The following AMZ2 variants were observed in gnomAD, a reference collection of about 807,000 sequenced individuals.
AMZ2 encodes archaemetzincin-2.
A neutral mutation model predicts 36.7 loss-of-function variants in AMZ2; 26 were observed. The observed-to-expected ratio is 0.71, with a 90% CI of 0.52 to 0.98. The LOEUF is 0.98. AMZ2 is among the 50% of genes least tolerant of loss of function. The pLI is 0.00. For missense variants in AMZ2, 394 were observed against 430.5 expected (o/e 0.92, Z 0.75); for synonymous variants, 144 against 149.1 (o/e 0.97, Z 0.25).
rs541807672 is a variant in AMZ2, at chr17:68,238,574, C to G, written c.-66-10066C>G. On this transcript the variant is annotated intron_variant, in intron 1 of 7. Transcript: ENST00000674770. ...GAGAGAAAGAGTGCATATAGATATA[C>G]ACACACATATGTACACACACACACA... Among the ~76,000 whole-genome samples the G allele has an allele frequency of 2.0e-4, 25 of 126,786 alleles. 1 individual carries two copies. Among genetic ancestry groups the G allele is most frequent in the African/African-American group, 8.5e-4 (25 of 29,548 alleles). The allele number at this position is 126,786 out of a possible 152,430, so 83.2% of individuals were successfully genotyped here. A position where few individuals can be genotyped will look rare whatever the true frequency, so the allele number is the denominator to read the frequency against.
At chr17:68,250,583 A>G in intron 2 of AMZ2, 113 bp downstream of exon 2, 3 of 1,391,560 alleles carry the variant, frequency 2.2e-6, no homozygotes, top group Non-Finnish European at 2.9e-6. Context: ...CGTTTTTGAT[A>G]TTCATTGCGG....
intron 1 of AMZ2, among the ~76,000 whole-genome samples, chr17:68,213,321 AATC>A (rs2073113707): frequency 6.6e-6 from 1 of 152,236 alleles, no homozygotes; most frequent in Admixed American, 6.5e-5. Context: ...GGATTTAAAA[AATC>A]ATAATAACCA....
intron 1 of AMZ2, among the ~76,000 whole-genome samples, chr17:68,229,192 T>C (rs1190689737): frequency 2.0e-5 from 3 of 152,204 alleles, no homozygotes; most frequent in Admixed American, 2.0e-4. Context: ...TCACGGTGCT[T>C]TGTGCAGTAG....
chr17:68,208,958 ACACT>A (rs2072930796), intron 1 of AMZ2, among the ~76,000 whole-genome samples: 1 of 152,170 alleles, frequency 6.6e-6, no homozygotes, highest in South Asian at 2.1e-4. Context: ...AAGAACTGTG[ACACT>A]CAGCGCGAGG....
rs561149463 is a variant in AMZ2 at position 68,206,967 on chromosome 17, A to C, written c.-67+729A>C. On this transcript the variant is annotated intron_variant, in intron 1 of 7. Transcript: ENST00000674770. ...ACTTTGGTTATTCATTCGATTCAAA[A>C]TTGTTTTTGGTTAAATCAAAAATGA... is the stretch of plus-strand genomic sequence containing the variant. The C allele has an allele frequency of 2.0e-5, 3 of 152,558 alleles. No homozygotes were observed. In the East Asian group the frequency reaches 5.8e-4, roughly 29 times the overall value. 9.5% of individuals were successfully genotyped at this position (152,558 alleles called of 1,614,324 possible).
intron 1 of AMZ2, among the ~76,000 whole-genome samples, chr17:68,208,520 C>T (rs2072915086): frequency 6.6e-6 from 1 of 152,228 alleles, no homozygotes; most frequent in Admixed American, 6.5e-5. Context: ...CAAAAGAGAC[C>T]ACTCGGCTCT....
intron 6 of AMZ2, 23 bp from the exon 7 acceptor site, chr17:68,256,791 G>A (rs1386715568): frequency 6.2e-7 from 1 of 1,608,280 alleles, no homozygotes; most frequent in Non-Finnish European, 8.5e-7. Flanking sequence ...TTGTTGAAGT[G>A]CGCATCTTTC....
At chr17:68,241,335 A>G (rs1555733926) in intron 1 of AMZ2, among the ~76,000 whole-genome samples, 1 of 152,246 alleles carries the variant, frequency 6.6e-6, no homozygotes, top group African/African-American at 2.4e-5. Context: ...CATGTACACT[A>G]CTTGGCTCTG....
At chr17:68,252,197 A>G (rs1555740222) in intron 4 of AMZ2, among the ~76,000 whole-genome samples, 1 of 152,140 alleles carries the variant, frequency 6.6e-6, no homozygotes, top group Non-Finnish European at 1.5e-5. Context: ...CTGAGAGTTT[A>G]TGGTCTGTCT....
chr17:68,248,116 G>C lies in AMZ2; in HGVS notation c.-590G>C. 1 of 986,546 alleles carries C rather than the reference G, an allele frequency of 1.0e-6. No homozygotes were observed. The highest frequency in any genetic ancestry group is 1.2e-6 in the Non-Finnish European group (1 of 830,682). The allele number at this position is 986,546 out of a possible 1,614,324, so 61.1% of individuals were successfully genotyped here. On this transcript the variant is annotated 5_prime_UTR_variant, in exon 1 of 7. Coordinates refer to ENST00000359904, the MANE Select transcript of AMZ2 (RefSeq NM_016627.5). ...GTGGTATCGAGGCCTGTCGGGTCAGGGCGGTTCGCGGGTGCTGTCAGAGCT... is the reference window on the plus strand; with the variant it reads ...GTGGTATCGAGGCCTGTCGGGTCAGCGCGGTTCGCGGGTGCTGTCAGAGCT...
At chr17:68,209,604 G>GTGTGTGTA (rs1324576987) in intron 1 of AMZ2, among the ~76,000 whole-genome samples, 1 of 117,756 alleles carries the variant, frequency 8.5e-6, no homozygotes, top group African/African-American at 3.6e-5. Flanking sequence ...GTGTGTGTGT[G>GTGTGTGTA]TATATGTATA....
chr17:68,216,890 A>G (rs8081365), intron 1 of AMZ2, among the ~76,000 whole-genome samples: 71,630 of 151,852 alleles, frequency 0.47, 18,002 homozygotes, highest in African/African-American at 0.64. Context: ...AAAATTAGCC[A>G]GGCGTGGTGG....
intron 1 of AMZ2, among the ~76,000 whole-genome samples, chr17:68,212,923 T>C (rs1555726415): frequency 6.6e-6 from 1 of 152,178 alleles, no homozygotes; most frequent in African/African-American, 2.4e-5. Flanking sequence ...TCCTGTTCTC[T>C]ATGGACTTTC....
intron 1 of AMZ2, among the ~76,000 whole-genome samples, chr17:68,211,273 C>G (rs566946073): frequency 2.5e-4 from 38 of 151,928 alleles, no homozygotes; most frequent in Non-Finnish European, 4.3e-4. Flanking sequence ...GAGGCCGATG[C>G]GGTAGGATCA....
In AMZ2 at chr17:68,255,873, C is replaced by A. The variant is rs148172616; in HGVS notation, c.924C>A (p.Tyr308Ter). 1.5e-5 allele frequency: 24 copies of A among 1,613,514 alleles called. No homozygotes were observed. In the Admixed American group the frequency reaches 3.2e-4, roughly 21 times the overall value. The change falls in exon 6 of 7, where the codon TAC becomes TAA. Residue 308 changes from tyrosine to a stop codon, truncating the protein, a stop_gained. Transcript: ENST00000359904. LOFTEE classifies it low-confidence loss of function (END_TRUNC). ...TTGGCTTCAGCATTGTAGAAAGATA[C>A]AAAGTAAGTTGGGGGGTGGACAGTC... Reference protein sequence around the residue: ...CAVGFSIVERYKALVRWIDDE... With the variant: ...CAVGFSIVER
chr17:68,207,687 C>T (rs1257719689), intron 1 of AMZ2, among the ~76,000 whole-genome samples: 2 of 152,238 alleles, frequency 1.3e-5, no homozygotes, highest in Non-Finnish European at 2.9e-5. Flanking sequence ...AGAGGTGACA[C>T]CGTGCTGGCA....
chr17:68,245,097 A>G (rs2073973552), upstream of AMZ2, among the ~76,000 whole-genome samples: 1 of 152,078 alleles, frequency 6.6e-6, no homozygotes, highest in Non-Finnish European at 1.5e-5. Context: ...CAGAACTTGT[A>G]GTGCTCTTTG....
At chr17:68,227,591 G>A (rs1321993106) in intron 1 of AMZ2, among the ~76,000 whole-genome samples, 5 of 152,152 alleles carry the variant, frequency 3.3e-5, no homozygotes, top group South Asian at 4.1e-4. Flanking sequence ...GCATTCCTTG[G>A]CTCGTGGCTG....
chr17:68,232,798 T>C (rs1413361044), intron 1 of AMZ2, among the ~76,000 whole-genome samples: 1 of 152,028 alleles, frequency 6.6e-6, no homozygotes, highest in African/African-American at 2.4e-5. Context: ...GAGCTGAGAT[T>C]GCACCACTGC....
Sources: gnomAD v4.1 joint callset for allele counts (sites outside exome capture counted in the v4.1 genomes callset) on GRCh38, gnomAD v4.1.1 for gene constraint, MANE v1.5 for transcripts, NCBI Gene and HGNC (gene_info 2026-07-23, HGNC 2026-07-21) for gene names.